The following ANXA5 variants were observed in gnomAD, a reference collection of about 807,000 sequenced individuals.
ANXA5 encodes CBP-I.
ANXA5 carries 40 observed loss-of-function variants against 48.1 expected under a neutral mutation model. The observed-to-expected ratio is 0.83, with a 90% CI of 0.65 to 1.08. ANXA5 has a LOEUF of 1.08. ANXA5 is among the 50% of genes least tolerant of loss of function. The pLI is 0.00. For synonymous variants in ANXA5, 113 were observed against 129.1 expected (o/e 0.88, Z 0.85); for missense variants, 357 against 376.8 (o/e 0.95, Z 0.44).
chr4:121,687,943 T>C (rs940835020), intron 2 of ANXA5, among the ~76,000 whole-genome samples: 4 of 152,208 alleles, frequency 2.6e-5, no homozygotes, highest in African/African-American at 9.6e-5. Context: ...CCCTCTGTTA[T>C]GAACCGAATA....
intron 8 of ANXA5, among the ~76,000 whole-genome samples, chr4:121,674,054 G>A (rs974296128): frequency 4.6e-5 from 7 of 151,258 alleles, no homozygotes; most frequent in Non-Finnish European, 7.4e-5. Flanking sequence ...GGTGGCAGAT[G>A]CCTGTAATCC....
At chr4:121,686,408 T>C (rs769836631) in intron 2 of ANXA5, 36 bp from the exon 3 acceptor site, 2 of 1,443,124 alleles carry the variant, frequency 1.4e-6, no homozygotes, top group East Asian at 2.3e-5. Context: ...ATTCATATCA[T>C]GACTAATATG....
chr4:121,677,330 T>G (rs545099812), intron 8 of ANXA5, among the ~76,000 whole-genome samples: 243 of 152,312 alleles, frequency 1.6e-3, no homozygotes, highest in African/African-American at 5.6e-3. Flanking sequence ...TTTTAATAAC[T>G]GTTTTATTAA....
At chr4:121,674,112 C>G (rs1376580556) in intron 8 of ANXA5, among the ~76,000 whole-genome samples, 1 of 145,696 alleles carries the variant, frequency 6.9e-6, no homozygotes, top group Non-Finnish European at 1.5e-5. Context: ...ACCCAGGAGG[C>G]AGAGGTTGCA....
intron 8 of ANXA5, among the ~76,000 whole-genome samples, chr4:121,675,990 T>C (rs1012148888): frequency 2.6e-5 from 4 of 152,238 alleles, no homozygotes; most frequent in African/African-American, 9.6e-5. Context: ...ATCTGCCCTC[T>C]GCCTGTGAAT....
chr4:121,686,720 C>A (rs1331646154), intron 2 of ANXA5, among the ~76,000 whole-genome samples: 2 of 152,152 alleles, frequency 1.3e-5, no homozygotes, highest in Non-Finnish European at 2.9e-5. Flanking sequence ...TACAAGCATA[C>A]TGAGCCCGCA....
chr4:121,669,426 G>C, intron 12 of ANXA5, 176 bp downstream of exon 12: 1 of 746,408 alleles, frequency 1.3e-6, no homozygotes, highest in African/African-American at 1.8e-5. Context: ...TTTCACTTGG[G>C]AGCCATCATC....
chr4:121,678,574 C>T (rs923951554), intron 6 of ANXA5, 80 bp from the exon 7 acceptor site: 104 of 1,150,336 alleles, frequency 9.0e-5, no homozygotes, highest in Admixed American at 5.5e-4. Flanking sequence ...CAAATGAAAG[C>T]GATGTAAAAG....
In ANXA5 at chr4:121,683,493, T is replaced by C. The variant is rs1724827327; in HGVS notation, c.190-16A>G. On this transcript the variant is annotated splice_polypyrimidine_tract_variant and intron_variant, in intron 4 of 12. Transcript: ENST00000296511. ...CCAGAAGATCCTAACCCACAGAAAA[T>C]ACAAATTTGTTAACCAGCAGAAATT... 1 of 1,435,354 alleles carries C rather than the reference T, an allele frequency of 7.0e-7. No homozygotes were observed. Among genetic ancestry groups the C allele is most frequent in the Non-Finnish European group, 9.8e-7 (1 of 1,024,060 alleles). 88.9% of individuals were successfully genotyped at this position (1,435,354 alleles called of 1,614,324 possible). A position where few individuals can be genotyped will look rare whatever the true frequency, so the allele number is the denominator to read the frequency against.
At chr4:121,674,582 T>A (rs1396237021) in intron 8 of ANXA5, among the ~76,000 whole-genome samples, 2 of 151,984 alleles carry the variant, frequency 1.3e-5, no homozygotes, top group Non-Finnish European at 2.9e-5. Flanking sequence ...GTTAAGCCTG[T>A]TATATGGGAA....
chr4:121,689,018 A>G (rs1724938015), intron 2 of ANXA5, among the ~76,000 whole-genome samples: 1 of 152,182 alleles, frequency 6.6e-6, no homozygotes, highest in Non-Finnish European at 1.5e-5. Flanking sequence ...AAAGACCAAT[A>G]GATTCCCTGC....
rs1724612985 is a variant in ANXA5 at position 121,671,563 on chromosome 4, T to C, written c.705A>G (p.Gln235=). The change falls in exon 10 of 13, where the codon CAA becomes CAG. Residue 235 remains glutamine (Q), a synonymous_variant. Coordinates refer to ENST00000296511, the MANE Select transcript of ANXA5 (RefSeq NM_001154.4). The part of the protein sequence containing the change: ...IDRETSGNLE[Q]LLLAVVKSIR... ...ATCACCTACCAACAGCAAGGAGTAG[T>C]TGCTCTAAATTGCCAGAAGTCTCGC... The C allele has an allele frequency of 1.2e-6, 2 of 1,612,376 alleles. No homozygotes were observed. The highest frequency in any genetic ancestry group is 2.2e-5 in the East Asian group (1 of 44,858).
At chr4:121,694,088 G>T (rs1476776438) in intron 2 of ANXA5, among the ~76,000 whole-genome samples, 1 of 121,862 alleles carries the variant, frequency 8.2e-6, no homozygotes, top group African/African-American at 3.4e-5. Flanking sequence ...ACCCACACCG[G>T]GGCCTATTGT....
intron 7 of ANXA5, 25 bp downstream of exon 7, chr4:121,678,390 A>G (rs1222820108): frequency 6.3e-7 from 1 of 1,598,692 alleles, no homozygotes; most frequent in Admixed American, 1.7e-5. Context: ...TTTTAATCAA[A>G]CTGTAATTAA....
At chr4:121,676,196 C>T (rs140366610) in intron 8 of ANXA5, among the ~76,000 whole-genome samples, 1 of 151,960 alleles carries the variant, frequency 6.6e-6, no homozygotes, top group Non-Finnish European at 1.5e-5. Context: ...AACAGGAGTA[C>T]AACTCTGTAG....
chr4:121,672,330 G>A (rs1448369857), intron 9 of ANXA5, among the ~76,000 whole-genome samples: 1 of 152,130 alleles, frequency 6.6e-6, no homozygotes, highest in African/African-American at 2.4e-5. Flanking sequence ...AATAGTGAAG[G>A]GTGGACTCAG....
chr4:121,682,866 A>C (rs1316689617), intron 5 of ANXA5, among the ~76,000 whole-genome samples: 1 of 152,152 alleles, frequency 6.6e-6, no homozygotes, highest in East Asian at 1.9e-4. Context: ...TTTTTGCTGC[A>C]ACTGAAATTA....
At chr4:121,673,944 C>T (rs1043838823) in intron 8 of ANXA5, among the ~76,000 whole-genome samples, 15 of 151,510 alleles carry the variant, frequency 9.9e-5, no homozygotes, top group African/African-American at 3.2e-4. Context: ...CATTTTGGGA[C>T]GCTGAGGCAG....
chr4:121,678,052 G>T (rs1724726360), intron 7 of ANXA5, 102 bp from the exon 8 acceptor site: 2 of 888,168 alleles, frequency 2.3e-6, no homozygotes, highest in Admixed American at 3.7e-5. Flanking sequence ...CTTTCTCTAG[G>T]AATAATATGC....
Sources: allele counts gnomAD v4.1 joint callset (sites outside exome capture counted in the v4.1 genomes callset), GRCh38; gene constraint gnomAD v4.1.1; transcripts MANE v1.5; gene names NCBI Gene and HGNC (gene_info 2026-07-23, HGNC 2026-07-21).